KIF5C: variants seen among roughly 807,000 people sequenced by gnomAD.
KIF5C encodes kinesin heavy chain isoform 5C.
A neutral mutation model predicts 125.2 loss-of-function variants in KIF5C; 18 were observed. The ratio of observed to expected loss-of-function variants is 0.14; its 90% confidence interval spans 0.10 to 0.21. The LOEUF is 0.21. Among genes scored for constraint, KIF5C ranks in the 10% least tolerant of loss-of-function variants. KIF5C has a pLI of 1.00. For synonymous variants in KIF5C, 405 were observed against 434.0 expected (o/e 0.93, Z 0.83); for missense variants, 780 against 1,183.8 (o/e 0.66, Z 5.01).
chr2:149,012,735 G>A (rs1024306220), intron 25 of KIF5C, among the ~76,000 whole-genome samples: 1 of 152,258 alleles, frequency 6.6e-6, no homozygotes, highest in Non-Finnish European at 1.5e-5. Flanking sequence ...GAGGGAAGGC[G>A]GAGGCAGCCC....
chr2:148,920,457 C>T (rs1427573913), intron 1 of KIF5C, among the ~76,000 whole-genome samples: 7 of 152,158 alleles, frequency 4.6e-5, no homozygotes, highest in Non-Finnish European at 1.0e-4. Flanking sequence ...CAACCAAATC[C>T]TTGATTCACT....
chr2:148,961,477 T>C (rs146188075), intron 10 of KIF5C, among the ~76,000 whole-genome samples: 12 of 152,266 alleles, frequency 7.9e-5, no homozygotes, highest in African/African-American at 1.7e-4. Flanking sequence ...CTGTGTATCA[T>C]TGGTATAAGA....
rs1330832616 is a variant in KIF5C, at chr2:149,025,725, G to C, written c.*2655G>C. On this transcript the variant is annotated 3_prime_UTR_variant, in exon 26 of 26. Transcript: ENST00000435030. ...AATAATCTTTATCTGCAGGATGGTG[G>C]ATTGGTAAATTAGGAGAATGTTGTT... The C allele has an allele frequency of 6.6e-6, 1 of 152,274 alleles. No homozygotes were observed. Among genetic ancestry groups the C allele is most frequent in the Non-Finnish European group, 1.5e-5 (1 of 68,030 alleles). 9.4% of individuals were successfully genotyped at this position (152,274 alleles called of 1,614,324 possible).
intron 25 of KIF5C, among the ~76,000 whole-genome samples, chr2:149,015,496 A>G (rs1342834129): frequency 1.3e-5 from 2 of 152,222 alleles, no homozygotes; most frequent in Admixed American, 1.3e-4. Context: ...GTCAAAGCAC[A>G]TATTCTTACA....
intron 1 of KIF5C, chr2:148,878,068 T>G (rs1201359097): frequency 1.3e-5 from 2 of 152,190 alleles, no homozygotes; most frequent in Non-Finnish European, 2.9e-5. Flanking sequence ...CAGTTTTCAG[T>G]TTTTCTAAGG....
intron 23 of KIF5C, among the ~76,000 whole-genome samples, chr2:149,009,419 G>C (rs72620212): frequency 0.07 from 10,698 of 152,222 alleles, 535 homozygotes; most frequent in East Asian, 0.28. Context: ...GTAGCACTTT[G>C]TGATTTTCAA....
chr2:148,979,026 T>G (rs1681159788), intron 13 of KIF5C, 36 bp downstream of exon 13: 1 of 1,526,848 alleles, frequency 6.5e-7, no homozygotes, highest in African/African-American at 1.4e-5. Context: ...TCCACAAAGT[T>G]CTTCTATTAC....
At chr2:148,885,711 CT>C (rs1416422761) in intron 1 of KIF5C, 12 of 152,122 alleles carry the variant, frequency 7.9e-5, no homozygotes, top group Non-Finnish European at 1.5e-4. Context: ...TAAAGAAAAA[CT>C]TTTGAAGGGA....
chr2:148,892,193 G>A (rs967452847), intron 1 of KIF5C, among the ~76,000 whole-genome samples: 3 of 152,178 alleles, frequency 2.0e-5, no homozygotes, highest in Non-Finnish European at 1.5e-5. Flanking sequence ...CTAAATTTTG[G>A]TTCATACCAG....
At chr2:148,945,234 T>A (rs993875728) in intron 7 of KIF5C, among the ~76,000 whole-genome samples, 1 of 152,198 alleles carries the variant, frequency 6.6e-6, no homozygotes, top group South Asian at 2.1e-4. Context: ...GCTTTTCTCC[T>A]GTGTTTTCTT....
chr2:148,933,974 C>T (rs1220127491), intron 3 of KIF5C, among the ~76,000 whole-genome samples: 1 of 151,380 alleles, frequency 6.6e-6, no homozygotes, highest in Non-Finnish European at 1.5e-5. Context: ...ACACTACACA[C>T]CACATACCAC....
At chr2:148,944,566 C>T (rs1330149922) in intron 7 of KIF5C, among the ~76,000 whole-genome samples, 2 of 152,180 alleles carry the variant, frequency 1.3e-5, no homozygotes, top group Admixed American at 1.3e-4. Flanking sequence ...GTGGCTTCCA[C>T]ATTTTGGCAG....
chr2:148,949,963 T>A lies in KIF5C; in HGVS notation c.819+20T>A. 1 of 1,607,594 alleles carries A rather than the reference T, an allele frequency of 6.2e-7. No individual in the cohort carries two copies. The highest frequency in any genetic ancestry group is 8.5e-7 in the Non-Finnish European group (1 of 1,176,810). ...GGGACAGTAAGTGATCCTGCCCCCA[T>A]CTATTAAGTAATATTATGAGAAACC... On this transcript the variant is annotated intron_variant, in intron 9 of 25. Transcript: ENST00000435030.
rs763444662 is a variant in KIF5C, at chr2:148,983,673, C to A, written c.1623C>A (p.Asn541Lys). 4 of 1,610,004 alleles carry A rather than the reference C, an allele frequency of 2.5e-6. No individual in the cohort carries two copies. Among genetic ancestry groups the A allele is most frequent in the Middle Eastern group, 1.7e-4 (1 of 6,050 alleles). Reference protein sequence around the residue: ...RELSQLQELSNHQKKRATEIL... With the variant: ...RELSQLQELSKHQKKRATEIL... Reference sequence around the variant, plus strand: ...TGAGCCAGCTACAAGAGCTTAGCAACCACCAGAAGAAAAGGGCAACTGAGA... The same window carrying A: ...TGAGCCAGCTACAAGAGCTTAGCAAACACCAGAAGAAAAGGGCAACTGAGA... Residue 541 changes from asparagine (N) to lysine (K), a missense_variant, in exon 15 of 26, where the codon AAC (asparagine) becomes AAA (lysine). Physicochemically the swap from Asn to Lys is moderately conservative, Grantham distance 94. Transcript: ENST00000435030.
chr2:148,910,227 CAT>C (rs1425653625), intron 1 of KIF5C, among the ~76,000 whole-genome samples: 3 of 152,176 alleles, frequency 2.0e-5, no homozygotes, highest in Non-Finnish European at 4.4e-5. Context: ...ATGTTAATAA[CAT>C]ATGTGCAATT....
In KIF5C at chr2:149,017,682, C is replaced by A. The variant is rs373468167; in HGVS notation, c.*8-5396C>A. 3.9e-5 allele frequency among the ~76,000 whole-genome samples: 6 copies of A among 152,272 alleles called. No homozygotes were observed. In the East Asian group the frequency reaches 1.2e-3, roughly 29 times the overall value. ...TTCCTATATTTAGACCATTTTATCT[C>A]AAACTTGAGTAGTAAATAGAGTATT... is the stretch of plus-strand genomic sequence containing the variant. On this transcript the variant is annotated intron_variant, in intron 25 of 25. Transcript: ENST00000435030.
intron 1 of KIF5C, among the ~76,000 whole-genome samples, chr2:148,897,128 C>T (rs932387957): frequency 2.0e-5 from 3 of 152,180 alleles, no homozygotes; most frequent in African/African-American, 7.2e-5. Flanking sequence ...CCACTGCGCC[C>T]GGCCAAGATC....
intron 19 of KIF5C, chr2:148,999,882 C>G (rs913571564): frequency 2.6e-5 from 4 of 152,894 alleles, no homozygotes; most frequent in African/African-American, 7.2e-5. Context: ...CACCCTCAAC[C>G]AGATGGCGAG....
At position 149,011,812 on chromosome 2, in the gene KIF5C, T is replaced by C; in HGVS notation, c.*7+129T>C. 3.0e-6 allele frequency: 4 copies of C among 1,312,540 alleles called. 1 individual carries two copies. The South Asian group carries it at 5.8e-5, about 19-fold the overall frequency. 81.3% of individuals were successfully genotyped at this position (1,312,540 alleles called of 1,614,324 possible). A position where few individuals can be genotyped will look rare whatever the true frequency, so the allele number is the denominator to read the frequency against. ...TCTACTCCAGCACACACCCTGGGGGTTCCAGGTAAACAGAGACCCAGACCT... is the reference window on the plus strand; with the variant it reads ...TCTACTCCAGCACACACCCTGGGGGCTCCAGGTAAACAGAGACCCAGACCT... On this transcript the variant is annotated intron_variant, in intron 25 of 25. Coordinates refer to ENST00000435030, the MANE Select transcript of KIF5C (RefSeq NM_004522.3).
Sources: allele counts gnomAD v4.1 joint callset (sites outside exome capture counted in the v4.1 genomes callset), GRCh38; gene constraint gnomAD v4.1.1; transcripts MANE v1.5; gene names NCBI Gene and HGNC (gene_info 2026-07-23, HGNC 2026-07-21).